Variants in CORO2B observed in about 807,000 individuals in gnomAD.
The protein encoded by CORO2B is coronin-2B.
In CORO2B, 26 loss-of-function variants were observed where a neutral mutation model predicts 58.8. That is an observed-to-expected ratio of 0.44 (90% CI 0.32 to 0.61). The LOEUF (loss-of-function observed/expected upper bound fraction) is 0.61. Ranked by LOEUF, CORO2B falls within the 20% of genes least tolerant of loss-of-function variation. The pLI is 0.04. For synonymous variants in CORO2B, 242 were observed against 253.8 expected (o/e 0.95, Z 0.44); for missense variants, 460 against 645.1 (o/e 0.71, Z 3.11).
intron 1 of CORO2B, among the ~76,000 whole-genome samples, chr15:68,620,600 C>T (rs1900488557): frequency 6.6e-6 from 1 of 152,252 alleles, no homozygotes; most frequent in African/African-American, 2.4e-5. Flanking sequence ...CCTGGTCCCG[C>T]ATCTTGCTTT....
intron 1 of CORO2B, among the ~76,000 whole-genome samples, chr15:68,640,309 G>T (rs144736447): frequency 1.3e-5 from 2 of 152,188 alleles, no homozygotes; most frequent in East Asian, 3.9e-4. Context: ...CTCTCCTTTC[G>T]CATGCTTTAC....
chr15:68,654,096 C>T (rs761938035), intron 2 of CORO2B, among the ~76,000 whole-genome samples: 5 of 152,190 alleles, frequency 3.3e-5, no homozygotes, highest in Non-Finnish European at 5.9e-5. Flanking sequence ...AGAGAAAAGT[C>T]GCAACTTTAT....
intron 4 of CORO2B, 152 bp from the exon 5 acceptor site, chr15:68,711,390 C>T: frequency 1.7e-6 from 1 of 599,316 alleles, no homozygotes; most frequent in Non-Finnish European, 2.9e-6. Context: ...TCAGCCTTTC[C>T]ATATAGAACT....
intron 2 of CORO2B, among the ~76,000 whole-genome samples, chr15:68,649,325 CA>C (rs1901559891): frequency 1.3e-5 from 2 of 152,032 alleles, no homozygotes; most frequent in African/African-American, 4.8e-5. Context: ...CTCACACTAC[CA>C]ATTGATTTCT....
chr15:68,612,623 A>G (rs576019404), intron 1 of CORO2B, among the ~76,000 whole-genome samples: 6 of 152,302 alleles, frequency 3.9e-5, no homozygotes, highest in African/African-American at 1.4e-4. Context: ...TAGAAAGAGC[A>G]CTGAACTGGA....
Position 68,725,880 on chromosome 15 carries a change from G to C in CORO2B, c.1349G>C (p.Arg450Pro). 6.2e-7 allele frequency: 1 copy of C among 1,613,904 alleles called. No individual in the cohort carries two copies. Residue 450 changes from arginine to proline, a missense_variant, in exon 12 of 12, where the codon CGA becomes CCA. By Grantham distance (103) the Arg-to-Pro change is moderately radical (BLOSUM62 -2). Transcript: ENST00000261861. ...RMFFRQQDEI[R>P]RLKEELAQKD... Reference sequence around the variant, plus strand: ...TTCTTCCGGCAGCAGGATGAGATTCGACGGTTGAAAGAGGAGCTGGCCCAG... The same window carrying C: ...TTCTTCCGGCAGCAGGATGAGATTCCACGGTTGAAAGAGGAGCTGGCCCAG...
chr15:68,595,615 G>T (rs1295786996), intron 1 of CORO2B, among the ~76,000 whole-genome samples: 1 of 152,194 alleles, frequency 6.6e-6, no homozygotes, highest in East Asian at 1.9e-4. Context: ...TGTTTCCCAT[G>T]GTGGACTTCA....
chr15:68,683,624 C>T (rs2140304229), intron 2 of CORO2B, among the ~76,000 whole-genome samples: 1 of 152,300 alleles, frequency 6.6e-6, no homozygotes, highest in South Asian at 2.1e-4. Context: ...TTGGGAGCCT[C>T]ACCTTCCCTC....
At position 68,710,858 on chromosome 15, in the gene CORO2B, T is replaced by C. The variant is rs1456395802; in HGVS notation, c.460T>C (p.Phe154Leu). 2 of 1,609,854 alleles carry C rather than the reference T, an allele frequency of 1.2e-6. No individual in the cohort carries two copies. The highest frequency in any genetic ancestry group is 1.7e-5 in the Admixed American group (1 of 59,496). Reference protein sequence around the residue: ...EWHPTTNNILFSAGYDYKVLI... With the variant: ...EWHPTTNNILLSAGYDYKVLI... Reference sequence around the variant, plus strand: ...GCACCCCACCACCAACAACATCCTGTTCAGCGCTGGCTACGACTACAAGGT... The same window carrying C: ...GCACCCCACCACCAACAACATCCTGCTCAGCGCTGGCTACGACTACAAGGT... Residue 154 changes from phenylalanine (F) to leucine (L), a missense_variant, in exon 4 of 12, where the codon TTC becomes CTC. Coordinates refer to ENST00000261861, the MANE Select transcript of CORO2B (RefSeq NM_006091.5). The surrounding 1 kb of genome is among the most constrained non-coding windows in gnomAD (Gnocchi z 4.1).
At chr15:68,699,936 T>C (rs1478594410) in intron 3 of CORO2B, among the ~76,000 whole-genome samples, 1 of 152,060 alleles carries the variant, frequency 6.6e-6, no homozygotes. Context: ...CAGCGTCTGC[T>C]CTCCTCAGGG....
chr15:68,568,941 A>G, the CORO2B span, among the ~76,000 whole-genome samples: 4 of 152,200 alleles, frequency 2.6e-5, no homozygotes, highest in Admixed American at 6.5e-5. Flanking sequence ...TTACCTATGT[A>G]ACAAACCTGC....
At chr15:68,601,091 G>A (rs147449494) in intron 1 of CORO2B, among the ~76,000 whole-genome samples, 11 of 152,304 alleles carry the variant, frequency 7.2e-5, no homozygotes, top group Admixed American at 1.3e-4. Flanking sequence ...TGGCATGCAG[G>A]TTTTGTGGGT....
the CORO2B span, among the ~76,000 whole-genome samples, chr15:68,559,969 A>G: frequency 1.3e-5 from 2 of 152,220 alleles, no homozygotes; most frequent in Non-Finnish European, 2.9e-5. This position sits in a 1 kb window ranked among gnomAD's most constrained non-coding sequence, Gnocchi z 4.3. Flanking sequence ...AAACCTGTGT[A>G]AGGACGACTG....
chr15:68,671,127 C>T (rs1333455423), intron 2 of CORO2B, among the ~76,000 whole-genome samples: 1 of 152,184 alleles, frequency 6.6e-6, no homozygotes, highest in Non-Finnish European at 1.5e-5. Context: ...GAAAATCATG[C>T]TGTTCAAGAA....
intron 1 of CORO2B, among the ~76,000 whole-genome samples, chr15:68,606,023 C>T (rs1393119838): frequency 2.0e-5 from 3 of 151,638 alleles, no homozygotes; most frequent in Non-Finnish European, 4.4e-5. Context: ...AGCGCCCGGC[C>T]GGCTCTTGGG....
intron 1 of CORO2B, among the ~76,000 whole-genome samples, chr15:68,583,240 C>CTA (rs1007877710): frequency 1.3e-4 from 20 of 152,308 alleles, no homozygotes; most frequent in Non-Finnish European, 2.4e-4. Context: ...TCATGTGTCT[C>CTA]TAGGGCCCCT....
rs189291188 is a variant in CORO2B at position 68,644,925 on chromosome 15, A to G, written c.16-235A>G. 1.1e-4 allele frequency among the ~76,000 whole-genome samples: 16 copies of G among 152,272 alleles called. No homozygotes were observed. The East Asian group carries it at 2.9e-3, about 28-fold the overall frequency. ...ATGTGTACCAAAAGCTCCTATGCCA[A>G]TCTTTGTTTTTGTAAGACTTTATTA... On this transcript the variant is annotated intron_variant, in intron 1 of 11. Coordinates refer to ENST00000261861, the MANE Select transcript of CORO2B (RefSeq NM_006091.5).
chr15:68,585,162 G>A (rs529967426), intron 1 of CORO2B, among the ~76,000 whole-genome samples: 2 of 152,302 alleles, frequency 1.3e-5, no homozygotes, highest in African/African-American at 4.8e-5. Flanking sequence ...TTACTTCCCT[G>A]AATCCCATCA....
chr15:68,522,720 G>A, the CORO2B span, among the ~76,000 whole-genome samples: 2 of 152,200 alleles, frequency 1.3e-5, no homozygotes, highest in Non-Finnish European at 2.9e-5. Context: ...TTTAAAAATA[G>A]ATTGTTGTTC....
Sources: gnomAD v4.1 joint callset for allele counts (sites outside exome capture counted in the v4.1 genomes callset) on GRCh38, gnomAD v4.1.1 for gene constraint, Gnocchi (gnomAD v3.1) non-coding constraint, MANE v1.5 for transcripts, NCBI Gene and HGNC (gene_info 2026-07-23, HGNC 2026-07-21) for gene names.